ACSL1: variants seen among roughly 807,000 people sequenced by gnomAD.
ACSL1 encodes the protein acyl-CoA synthetase long chain family member 1.
Under a neutral mutation model 98.4 loss-of-function variants are expected in ACSL1, and 41 were observed. The observed-to-expected ratio is 0.42, with a 90% CI of 0.32 to 0.54. The LOEUF is 0.54. ACSL1 is among the 20% of genes least tolerant of loss of function. The pLI is 0.13. For missense variants in ACSL1, 734 were observed against 883.1 expected (o/e 0.83, Z 2.14); for synonymous variants, 316 against 322.7 (o/e 0.98, Z 0.22).
chr4:184,819,822 C>T (rs1772920368), intron 1 of ACSL1, among the ~76,000 whole-genome samples: 1 of 152,164 alleles, frequency 6.6e-6, no homozygotes, highest in Non-Finnish European at 1.5e-5. Flanking sequence ...CAACCATCCC[C>T]CTCTGCACCC....
At chr4:184,797,124 A>G (rs1769530192) in intron 2 of ACSL1, among the ~76,000 whole-genome samples, 1 of 151,810 alleles carries the variant, frequency 6.6e-6, no homozygotes, top group South Asian at 2.1e-4. Flanking sequence ...TCTGCCTCAC[A>G]GACACGTGTA....
At chr4:184,769,264 G>T (rs1320522082) in intron 11 of ACSL1, among the ~76,000 whole-genome samples, 2 of 152,152 alleles carry the variant, frequency 1.3e-5, no homozygotes, top group Admixed American at 1.3e-4. Flanking sequence ...TAATACCAGA[G>T]TGGCTTGCCA....
At chr4:184,762,348 A>G (rs1762975226) in intron 17 of ACSL1, 59 bp downstream of exon 17, 1 of 1,414,068 alleles carries the variant, frequency 7.1e-7, no homozygotes, top group Non-Finnish European at 1.0e-6. Flanking sequence ...AGTAGATAAG[A>G]CATTTTCTTC....
chr4:184,797,316 TCTC>T (rs1769592622), intron 2 of ACSL1, among the ~76,000 whole-genome samples: 2 of 152,196 alleles, frequency 1.3e-5, no homozygotes, highest in African/African-American at 2.4e-5. Context: ...GCTGCTCTCT[TCTC>T]CTGCAAAAAT....
At chr4:184,812,620 T>C (rs907337769) in intron 1 of ACSL1, among the ~76,000 whole-genome samples, 2 of 152,180 alleles carry the variant, frequency 1.3e-5, no homozygotes, top group African/African-American at 4.8e-5. Context: ...TTCACTTATG[T>C]AGAATGTCAG....
At chr4:184,811,284 T>C (rs1225412807) in intron 1 of ACSL1, among the ~76,000 whole-genome samples, 2 of 151,926 alleles carry the variant, frequency 1.3e-5, no homozygotes, top group East Asian at 1.9e-4. Context: ...AATTTTTTTT[T>C]TGTATTTTTA....
chr4:184,797,547 G>C (rs1769647092), intron 2 of ACSL1, among the ~76,000 whole-genome samples: 1 of 152,178 alleles, frequency 6.6e-6, no homozygotes, highest in Non-Finnish European at 1.5e-5. Flanking sequence ...ACACTGAGAA[G>C]GCCTCTGGTG....
intron 11 of ACSL1, 111 bp from the exon 12 acceptor site, chr4:184,768,561 T>C: frequency 2.1e-6 from 3 of 1,456,608 alleles, no homozygotes; most frequent in Non-Finnish European, 2.7e-6. Flanking sequence ...TTTCCAGAAA[T>C]CTTAAATTTC....
At chr4:184,817,482 C>T in intron 1 of ACSL1, among the ~76,000 whole-genome samples, 1 of 152,152 alleles carries the variant, frequency 6.6e-6, no homozygotes, top group East Asian at 1.9e-4. Context: ...CACTATGGGG[C>T]ATACACCCCA....
At chr4:184,813,711 T>C in intron 1 of ACSL1, 1 of 382,040 alleles carries the variant, frequency 2.6e-6, no homozygotes, top group Non-Finnish European at 5.5e-6. Flanking sequence ...TTCACCTTAC[T>C]GGACTCAGCT....
chr4:184,822,394 C>T, intron 1 of ACSL1, among the ~76,000 whole-genome samples: 1 of 152,154 alleles, frequency 6.6e-6, no homozygotes, highest in East Asian at 1.9e-4. Flanking sequence ...CTCTTGATTC[C>T]TCAAAGGTCA....
intron 1 of ACSL1, among the ~76,000 whole-genome samples, chr4:184,807,009 C>T (rs1771512699): frequency 6.6e-6 from 1 of 152,172 alleles, no homozygotes; most frequent in South Asian, 2.1e-4. Context: ...AATCTTTTCC[C>T]TTCTATTAAC....
chr4:184,818,116 G>A (rs1772779431), intron 1 of ACSL1, among the ~76,000 whole-genome samples: 1 of 152,168 alleles, frequency 6.6e-6, no homozygotes, highest in Admixed American at 6.6e-5. Context: ...TGACAGATAA[G>A]GTCCCCCGCC....
intron 14 of ACSL1, 54 bp from the exon 15 acceptor site, chr4:184,764,979 TG>T (rs1184443424): frequency 2.6e-6 from 4 of 1,554,392 alleles, no homozygotes; most frequent in Non-Finnish European, 3.5e-6. Flanking sequence ...ACACCTTTAC[TG>T]GAAGTGCACA....
At chr4:184,825,979 G>C (rs1773455023), upstream of ACSL1, 1 of 148,570 alleles carries the variant, frequency 6.7e-6, no homozygotes, top group African/African-American at 2.4e-5. The surrounding 1 kb of genome is among the most constrained non-coding windows in gnomAD (Gnocchi z 4.7). Context: ...GCCCCGCGCC[G>C]GCTCTGGATG....
rs1439275232 is a variant in ACSL1, at chr4:184,814,877, C to T, written c.-33+11039G>A. 7 of 376,212 alleles carry T rather than the reference C, an allele frequency of 1.9e-5. No homozygotes were observed. In the East Asian group the frequency reaches 2.9e-4, roughly 16 times the overall value. The allele number at this position is 376,212 out of a possible 1,614,324, so 23.3% of individuals were successfully genotyped here. On this transcript the variant is annotated intron_variant, in intron 1 of 20. Transcript: ENST00000281455. The stretch of plus-strand genomic sequence containing the variant: ...CTGCTATGTGAGCCACTTCCACTTT[C>T]GTGCCTCTTTGAAAAAGGAGTCACA...
chr4:184,758,413 G>C (rs961593041), intron 18 of ACSL1: 1 of 156,086 alleles, frequency 6.4e-6, no homozygotes, highest in Non-Finnish European at 1.4e-5. Flanking sequence ...AAATCAGCTG[G>C]GTGTGGTGGC....
chr4:184,758,927 G>A lies in ACSL1; in HGVS notation c.1783-1007C>T, dbSNP rs990330464. The A allele has an allele frequency of 4.5e-5, 5 of 112,034 alleles. No individual in the cohort carries two copies. The East Asian group carries it at 8.0e-4, about 18-fold the overall frequency. The allele number at this position is 112,034 out of a possible 1,614,324, so 6.9% of individuals were successfully genotyped here. On this transcript the variant is annotated intron_variant, in intron 18 of 20. Coordinates refer to ENST00000281455, the MANE Select transcript of ACSL1 (RefSeq NM_001995.5). ...CCCCCACCCCACAACAGGCCCTCGT[G>A]TGTGATGTTCCCCTTCCTGTGTCCA...
intron 2 of ACSL1, among the ~76,000 whole-genome samples, chr4:184,797,388 G>T (rs767187481): frequency 9.2e-5 from 14 of 152,212 alleles, no homozygotes; most frequent in Non-Finnish European, 1.6e-4. Context: ...GTATGGTTAC[G>T]TGGAAATGAG....
Sources: gnomAD v4.1 joint callset for allele counts (sites outside exome capture counted in the v4.1 genomes callset) on GRCh38, gnomAD v4.1.1 for gene constraint, Gnocchi (gnomAD v3.1) non-coding constraint, MANE v1.5 for transcripts, NCBI Gene and HGNC (gene_info 2026-07-23, HGNC 2026-07-21) for gene names.